Variants in APBB2 observed in about 807,000 individuals in gnomAD.
APBB2 encodes amyloid beta precursor protein binding family B member 2, also known as Fe65-like 1.
Under a neutral mutation model 82.5 loss-of-function variants are expected in APBB2, and 38 were observed. The ratio of observed to expected loss-of-function variants is 0.46; its 90% CI spans 0.36 to 0.60. The LOEUF (loss-of-function observed/expected upper bound fraction) is 0.60. Ranked by LOEUF, APBB2 falls within the 20% of genes least tolerant of loss-of-function variation. The pLI is 0.00. For synonymous variants in APBB2, 341 were observed against 368.2 expected (o/e 0.93, Z 0.85); for missense variants, 772 against 972.3 (o/e 0.79, Z 2.74).
intron 5 of APBB2, 75 bp downstream of exon 5, chr4:41,033,161 A>G (rs1041266795): frequency 1.1e-6 from 1 of 937,410 alleles, no homozygotes; most frequent in African/African-American, 1.7e-5. Flanking sequence ...TAAGTTTAAC[A>G]TTAAACATTA....
At chr4:41,141,026 C>T (rs1055355943) in intron 2 of APBB2, among the ~76,000 whole-genome samples, 1 of 152,142 alleles carries the variant, frequency 6.6e-6, no homozygotes, top group Non-Finnish European at 1.5e-5. Context: ...CTGAAACCAT[C>T]CCTGCCACCC....
intron 4 of APBB2, among the ~76,000 whole-genome samples, chr4:41,064,398 T>C (rs1003277589): frequency 2.6e-5 from 4 of 152,164 alleles, no homozygotes; most frequent in African/African-American, 9.7e-5. Context: ...AAGATGAATA[T>C]GAATAAGCAT....
intron 10 of APBB2, among the ~76,000 whole-genome samples, chr4:40,931,476 G>T (rs1784219542): frequency 6.6e-6 from 1 of 152,152 alleles, no homozygotes; most frequent in African/African-American, 2.4e-5. Flanking sequence ...TTGCTATGTT[G>T]CTAGGCTGGT....
At chr4:40,839,358 C>G (rs917769079) in intron 12 of APBB2, among the ~76,000 whole-genome samples, 4 of 152,008 alleles carry the variant, frequency 2.6e-5, no homozygotes, top group Non-Finnish European at 5.9e-5. Flanking sequence ...GTCAGCTGCA[C>G]CAGAGCCCAT....
intron 1 of APBB2, among the ~76,000 whole-genome samples, chr4:41,201,582 A>T (rs1167180518): frequency 6.6e-6 from 1 of 152,210 alleles, no homozygotes; most frequent in African/African-American, 2.4e-5. Flanking sequence ...GGAAAAGCAC[A>T]CGTGGCTCAG....
At position 40,811,978 on chromosome 4, in the gene APBB2, A is replaced by T. The variant is rs577047828; in HGVS notation, c.*4114T>A. ...GTCAGGTTCTTAAAGGAAGTGATAA[A>T]CTTCTTCGTGCTAAAATATCACAAT... On this transcript the variant is annotated 3_prime_UTR_variant, in exon 18 of 18. Transcript: ENST00000508593. The T allele has an allele frequency of 3.3e-4, 50 of 152,282 alleles. No individual in the cohort carries two copies. The highest frequency in any genetic ancestry group is 1.4e-3 in the East Asian group (7 of 5,176). The allele number at this position is 152,282 out of a possible 1,614,324, so 9.4% of individuals were successfully genotyped here. A position where few individuals can be genotyped will look rare whatever the true frequency, so the allele number is the denominator to read the frequency against.
At chr4:40,949,157 C>A (rs1022806962) in intron 6 of APBB2, among the ~76,000 whole-genome samples, 3 of 152,010 alleles carry the variant, frequency 2.0e-5, no homozygotes, top group African/African-American at 7.2e-5. Context: ...GTGATCCCAG[C>A]TACTCGGGAG....
intron 12 of APBB2, chr4:40,842,286 A>C (rs973175289): frequency 7.1e-6 from 3 of 421,368 alleles, no homozygotes; most frequent in Non-Finnish European, 1.5e-5. Flanking sequence ...TGAGGATGGC[A>C]ATGCGACATG....
At chr4:40,863,729 C>G (rs77759725) in intron 12 of APBB2, among the ~76,000 whole-genome samples, 1 of 151,276 alleles carries the variant, frequency 6.6e-6, no homozygotes, top group African/African-American at 2.4e-5. Flanking sequence ...CCTGTTTCTA[C>G]GAAAAATGCA....
intron 2 of APBB2, among the ~76,000 whole-genome samples, chr4:41,110,248 T>C (rs1748714882): frequency 6.6e-6 from 1 of 152,210 alleles, no homozygotes; most frequent in Admixed American, 6.5e-5. Context: ...TAGTGTTTAC[T>C]GAGTGAAATG....
intron 3 of APBB2, among the ~76,000 whole-genome samples, chr4:41,092,532 T>C (rs1013448185): frequency 1.3e-5 from 2 of 151,878 alleles, no homozygotes; most frequent in African/African-American, 4.8e-5. Flanking sequence ...CCACTAAAAA[T>C]ACAAAAATTA....
At chr4:41,123,905 G>A (rs75187407) in intron 2 of APBB2, among the ~76,000 whole-genome samples, 1,950 of 152,238 alleles carry the variant, frequency 0.013, 34 homozygotes, top group African/African-American at 0.045. Context: ...GGGAAGGGCA[G>A]AGATATCTGT....
chr4:41,153,920 G>A (rs868819130), intron 1 of APBB2, among the ~76,000 whole-genome samples: 2 of 152,218 alleles, frequency 1.3e-5, no homozygotes, highest in African/African-American at 2.4e-5. Flanking sequence ...AGCTAGACGC[G>A]TAAGGAGTTT....
At chr4:40,997,803 C>T (rs1371516268) in intron 6 of APBB2, among the ~76,000 whole-genome samples, 4 of 152,294 alleles carry the variant, frequency 2.6e-5, no homozygotes, top group South Asian at 2.1e-4. Context: ...AATGTAATAA[C>T]GTCCTTGAAG....
At chr4:41,213,014 A>G (rs980022437) in intron 1 of APBB2, among the ~76,000 whole-genome samples, 4 of 152,074 alleles carry the variant, frequency 2.6e-5, no homozygotes, top group African/African-American at 4.8e-5. Flanking sequence ...AAGGCCAGCC[A>G]CACAAATTCT....
intron 6 of APBB2, among the ~76,000 whole-genome samples, chr4:40,960,653 T>A (rs1792929837): frequency 6.6e-6 from 1 of 152,032 alleles, no homozygotes; most frequent in Non-Finnish European, 1.5e-5. Flanking sequence ...TTCACCGAGT[T>A]AGCTAGGATG....
At chr4:41,078,124 C>A (rs1017208365) in intron 3 of APBB2, among the ~76,000 whole-genome samples, 1 of 151,900 alleles carries the variant, frequency 6.6e-6, no homozygotes, top group Non-Finnish European at 1.5e-5. Context: ...AGAGTACAAG[C>A]GCAGGTATTT....
intron 6 of APBB2, among the ~76,000 whole-genome samples, chr4:40,963,401 C>T (rs1345204176): frequency 6.6e-6 from 1 of 152,164 alleles, no homozygotes; most frequent in Admixed American, 6.5e-5. Flanking sequence ...TATGCACCAT[C>T]ACACCCAACT....
At chr4:41,045,440 C>T (rs1723052860) in intron 4 of APBB2, among the ~76,000 whole-genome samples, 1 of 152,010 alleles carries the variant, frequency 6.6e-6, no homozygotes, top group Non-Finnish European at 1.5e-5. Context: ...ACTACAGGCA[C>T]CCACCACCAA....
Sources: allele counts gnomAD v4.1 joint callset (sites outside exome capture counted in the v4.1 genomes callset), GRCh38; gene constraint gnomAD v4.1.1; transcripts MANE v1.5; gene names NCBI Gene and HGNC (gene_info 2026-07-23, HGNC 2026-07-21).